The following MDGA2 variants were observed in gnomAD, a reference collection of about 807,000 sequenced individuals.
MDGA2 encodes the protein MAM domain containing glycosylphosphatidylinositol anchor 2, also known as MAM domain-containing glycosylphosphatidylinositol anchor protein 2.
Under a neutral mutation model 117.8 loss-of-function variants are expected in MDGA2, and 40 were observed. The ratio of observed to expected loss-of-function variants is 0.34; its 90% CI spans 0.26 to 0.44. MDGA2 has a LOEUF of 0.44. Ranked by LOEUF, MDGA2 falls within the 20% of genes least tolerant of loss-of-function variation. The probability of loss-of-function intolerance (pLI) is 1.00; values close to 1 mark genes in which losing one functional copy is unlikely to be tolerated. For synonymous variants in MDGA2, 452 were observed against 439.0 expected (o/e 1.03, Z -0.37); for missense variants, 1,123 against 1,250.6 (o/e 0.90, Z 1.54).
At chr14:47,141,883 A>G (rs1030471748) in intron 4 of MDGA2, among the ~76,000 whole-genome samples, 1 of 152,218 alleles carries the variant, frequency 6.6e-6, no homozygotes, top group Admixed American at 6.5e-5. Flanking sequence ...TGTTCTCACC[A>G]TGAAGAAATG....
At chr14:47,049,017 T>C (rs77066790) in intron 7 of MDGA2, among the ~76,000 whole-genome samples, 10 of 152,062 alleles carry the variant, frequency 6.6e-5, no homozygotes, top group Admixed American at 5.9e-4. Flanking sequence ...TTTAATACAA[T>C]TTTTTAAATA....
At chr14:47,639,233 A>G (rs1027976991) in intron 1 of MDGA2, among the ~76,000 whole-genome samples, 4 of 152,190 alleles carry the variant, frequency 2.6e-5, no homozygotes, top group African/African-American at 9.7e-5. Flanking sequence ...TTACCCTCTT[A>G]GAATGTAAGC....
intron 3 of MDGA2, among the ~76,000 whole-genome samples, chr14:47,193,094 A>G (rs1389672343): frequency 6.6e-6 from 1 of 151,188 alleles, no homozygotes; most frequent in Non-Finnish European, 1.5e-5. Flanking sequence ...ATCATACTTT[A>G]AGACTTATCT....
chr14:47,167,258 A>G (rs1049277464), intron 3 of MDGA2, among the ~76,000 whole-genome samples: 12 of 152,176 alleles, frequency 7.9e-5, no homozygotes, highest in African/African-American at 2.9e-4. Flanking sequence ...TTAAAGTTGA[A>G]TAAGAATTAG....
At chr14:47,653,965 C>T (rs974246227) in intron 1 of MDGA2, among the ~76,000 whole-genome samples, 4 of 152,162 alleles carry the variant, frequency 2.6e-5, no homozygotes, top group Non-Finnish European at 5.9e-5. Flanking sequence ...CTCAGTGAGA[C>T]CCATGTCAGG....
At chr14:47,084,946 A>G (rs1356859273) in intron 6 of MDGA2, among the ~76,000 whole-genome samples, 2 of 152,160 alleles carry the variant, frequency 1.3e-5, no homozygotes, top group African/African-American at 4.8e-5. Flanking sequence ...TAACTAAGAC[A>G]TTCAGAATCT....
chr14:47,672,949 A>G (rs1328120971), intron 1 of MDGA2, among the ~76,000 whole-genome samples: 1 of 152,116 alleles, frequency 6.6e-6, no homozygotes, highest in Non-Finnish European at 1.5e-5. Flanking sequence ...TCTCTCTCAT[A>G]CACACGTCCC....
intron 1 of MDGA2, among the ~76,000 whole-genome samples, chr14:47,441,897 T>G (rs979225061): frequency 6.6e-6 from 1 of 152,160 alleles, no homozygotes; most frequent in African/African-American, 2.4e-5. Context: ...ATAGAATCAG[T>G]GTCAAATGCA....
chr14:46,903,204 A>G (rs923117410), intron 10 of MDGA2, among the ~76,000 whole-genome samples: 2 of 152,206 alleles, frequency 1.3e-5, no homozygotes, highest in African/African-American at 4.8e-5. Flanking sequence ...ATGTGTCCAC[A>G]TGCCTAACTT....
At chr14:47,649,685 AAAAACAAAACAAAAC>A (rs56177749) in intron 1 of MDGA2, among the ~76,000 whole-genome samples, 1 of 150,274 alleles carries the variant, frequency 6.7e-6, no homozygotes, top group Admixed American at 6.6e-5. Context: ...GCTTCATCTC[AAAAACAAAACAAAAC>A]AAAACAAAAC....
chr14:47,132,942 G>T (rs966589242), intron 4 of MDGA2, among the ~76,000 whole-genome samples: 1 of 151,738 alleles, frequency 6.6e-6, no homozygotes, highest in Non-Finnish European at 1.5e-5. Flanking sequence ...TAAAAACACT[G>T]CTGTTCATTT....
At chr14:47,157,129 G>A (rs1883420514) in intron 3 of MDGA2, among the ~76,000 whole-genome samples, 1 of 152,072 alleles carries the variant, frequency 6.6e-6, no homozygotes, top group Non-Finnish European at 1.5e-5. Flanking sequence ...AAATCGATGG[G>A]AAATTTTGTT....
chr14:47,342,282 A>ATATATATATATATATAT (rs1566746810), intron 1 of MDGA2, among the ~76,000 whole-genome samples: 6 of 138,674 alleles, frequency 4.3e-5, no homozygotes, highest in African/African-American at 7.8e-5. Flanking sequence ...ATATATATAT[A>ATATATATATATATATAT]AAATATGTTA....
chr14:47,348,193 G>GTA (rs913637882), intron 1 of MDGA2, among the ~76,000 whole-genome samples: 12 of 150,048 alleles, frequency 8.0e-5, no homozygotes, highest in South Asian at 2.1e-4. Context: ...GTGTGTGTGT[G>GTA]TGCTTAAAAT....
At chr14:47,458,633 T>C (rs1446547122) in intron 1 of MDGA2, among the ~76,000 whole-genome samples, 1 of 152,144 alleles carries the variant, frequency 6.6e-6, no homozygotes, top group African/African-American at 2.4e-5. Context: ...ACTTGAAATG[T>C]GCTAAGAGGA....
chr14:46,872,720 T>C (rs1882058555), intron 14 of MDGA2, among the ~76,000 whole-genome samples: 1 of 151,968 alleles, frequency 6.6e-6, no homozygotes, highest in Admixed American at 6.6e-5. Context: ...TAATGTCAAA[T>C]AATTAAATTT....
intron 2 of MDGA2, among the ~76,000 whole-genome samples, chr14:47,249,239 G>C (rs570331437): frequency 1.3e-5 from 2 of 151,690 alleles, no homozygotes; most frequent in African/African-American, 2.4e-5. Flanking sequence ...AGATGGTCTC[G>C]ATCTCTTGAC....
chr14:47,488,656 T>A (rs956998757), intron 1 of MDGA2, among the ~76,000 whole-genome samples: 3 of 152,128 alleles, frequency 2.0e-5, no homozygotes. Flanking sequence ...CTGTCATTAT[T>A]GATTGTTTAT....
chr14:47,288,699 T>C (rs1888772664), intron 2 of MDGA2, among the ~76,000 whole-genome samples: 1 of 152,148 alleles, frequency 6.6e-6, no homozygotes, highest in South Asian at 2.1e-4. Context: ...ATGTTATTTT[T>C]AGTTTTTTTG....
Sources: gnomAD v4.1 joint callset for allele counts (sites outside exome capture counted in the v4.1 genomes callset) on GRCh38, gnomAD v4.1.1 for gene constraint, MANE v1.5 for transcripts, NCBI Gene and HGNC (gene_info 2026-07-23, HGNC 2026-07-21) for gene names.